TMEM132D: variants seen among roughly 807,000 people sequenced by gnomAD.
TMEM132D encodes transmembrane protein 132D, also known as mature OL transmembrane protein.
A neutral mutation model predicts 62.3 loss-of-function variants in TMEM132D; 21 were observed. That is an observed-to-expected ratio of 0.34 (90% confidence interval 0.24 to 0.49). The LOEUF is 0.49. Among genes scored for constraint, TMEM132D ranks in the 20% least tolerant of loss-of-function variants. TMEM132D has a pLI of 0.99. For synonymous variants in TMEM132D, 621 were observed against 575.6 expected (o/e 1.08, Z -1.13); for missense variants, 1,346 against 1,402.8 (o/e 0.96, Z 0.65).
At chr12:129,881,849 G>C (rs1874606570) in intron 1 of TMEM132D, among the ~76,000 whole-genome samples, 1 of 151,870 alleles carries the variant, frequency 6.6e-6, no homozygotes, top group Non-Finnish European at 1.5e-5. Context: ...CTGCCTCTTT[G>C]AGTTAACAGA....
chr12:129,153,386 G>A (rs548780551), intron 5 of TMEM132D, among the ~76,000 whole-genome samples: 94 of 152,014 alleles, frequency 6.2e-4, no homozygotes, highest in African/African-American at 1.9e-3. Flanking sequence ...GAGAGATTGC[G>A]GGCCTAAATA....
At chr12:129,273,704 G>A (rs1880923197) in intron 4 of TMEM132D, among the ~76,000 whole-genome samples, 1 of 151,730 alleles carries the variant, frequency 6.6e-6, no homozygotes, top group Non-Finnish European at 1.5e-5. Flanking sequence ...TTTATAAGCG[G>A]GAGCTAATCG....
At chr12:129,625,722 G>A (rs1879195652) in intron 2 of TMEM132D, among the ~76,000 whole-genome samples, 1 of 152,152 alleles carries the variant, frequency 6.6e-6, no homozygotes, top group Non-Finnish European at 1.5e-5. Context: ...CACAGCACTT[G>A]CATTATTTAA....
At chr12:129,266,975 C>T (rs1477124251) in intron 4 of TMEM132D, among the ~76,000 whole-genome samples, 1 of 152,142 alleles carries the variant, frequency 6.6e-6, no homozygotes, top group Non-Finnish European at 1.5e-5. Flanking sequence ...ATGGTTACCA[C>T]TCCCTGGCAA....
At position 129,148,501 on chromosome 12, in the gene TMEM132D, G is replaced by T. The variant is rs561398957; in HGVS notation, c.1443+61019C>A. Among the ~76,000 whole-genome samples, 20 of 152,222 alleles carry T rather than the reference G, an allele frequency of 1.3e-4. No homozygotes were observed. In the South Asian group the frequency reaches 4.0e-3, roughly 30 times the overall value. On this transcript the variant is annotated intron_variant, in intron 5 of 8. Transcript: ENST00000422113. ...TGGGAGGTGCCATGAGCCAAAGTAA[G>T]TGAAGAGCCTCTGGAAGCTGGGAAA...
At chr12:129,331,267 C>T (rs1429731684) in intron 4 of TMEM132D, among the ~76,000 whole-genome samples, 3 of 152,192 alleles carry the variant, frequency 2.0e-5, no homozygotes, top group Non-Finnish European at 4.4e-5. Flanking sequence ...AAGAGCTCTG[C>T]GGTCTTCCCC....
chr12:129,654,700 A>G (rs1393628806), intron 2 of TMEM132D, among the ~76,000 whole-genome samples: 2 of 152,054 alleles, frequency 1.3e-5, no homozygotes, highest in East Asian at 3.9e-4. Context: ...AAAGTACACA[A>G]CCTCCCAAGG....
At chr12:129,810,166 A>G (rs536257783) in intron 1 of TMEM132D, among the ~76,000 whole-genome samples, 6 of 152,322 alleles carry the variant, frequency 3.9e-5, no homozygotes, top group African/African-American at 1.4e-4. Flanking sequence ...CAAAAGCAGA[A>G]TATCTCTAAC....
chr12:129,144,448 T>C (rs1305939754), intron 5 of TMEM132D, among the ~76,000 whole-genome samples: 1 of 152,190 alleles, frequency 6.6e-6, no homozygotes, highest in Non-Finnish European at 1.5e-5. Context: ...AGGTGCCATG[T>C]GTTGAAGCCC....
chr12:129,747,841 GACACACACAGACAC>G (rs1466215682), intron 1 of TMEM132D, among the ~76,000 whole-genome samples: 2 of 73,704 alleles, frequency 2.7e-5, no homozygotes, highest in Non-Finnish European at 6.0e-5. Flanking sequence ...CACACATTCA[GACACACACAGACAC>G]ACACACACAC....
At chr12:129,355,859 G>A (rs369835383) in intron 3 of TMEM132D, among the ~76,000 whole-genome samples, 1 of 152,172 alleles carries the variant, frequency 6.6e-6, no homozygotes, top group African/African-American at 2.4e-5. Flanking sequence ...CCTGGCCCTT[G>A]GAGGGGCCCT....
intron 5 of TMEM132D, among the ~76,000 whole-genome samples, chr12:129,202,523 G>C (rs1307228448): frequency 6.6e-6 from 1 of 152,144 alleles, no homozygotes; most frequent in Non-Finnish European, 1.5e-5. Flanking sequence ...GGTTTCATGA[G>C]TCATTCTCAG....
chr12:129,533,375 G>C (rs11060407), intron 2 of TMEM132D, among the ~76,000 whole-genome samples: 10 of 152,118 alleles, frequency 6.6e-5, no homozygotes, highest in Admixed American at 2.0e-4. Context: ...ATGTGGTAGC[G>C]AACAAAAGTA....
intron 3 of TMEM132D, among the ~76,000 whole-genome samples, chr12:129,465,989 T>G (rs1224788984): frequency 1.3e-5 from 2 of 152,168 alleles, no homozygotes; most frequent in African/African-American, 4.8e-5. Context: ...GGCCCTCATT[T>G]CCTCATTTTA....
chr12:129,480,619 C>CT (rs1333173255), intron 3 of TMEM132D, among the ~76,000 whole-genome samples: 1 of 152,158 alleles, frequency 6.6e-6, no homozygotes, highest in African/African-American at 2.4e-5. Flanking sequence ...TGAGTCATAC[C>CT]TTCTTTGAAA....
chr12:129,456,855 A>G (rs1566074892), intron 3 of TMEM132D, among the ~76,000 whole-genome samples: 3 of 152,218 alleles, frequency 2.0e-5, no homozygotes, highest in Admixed American at 1.3e-4. Context: ...GGTAAAAGAA[A>G]AGAGAGTAGG....
At chr12:129,667,082 A>G (rs1425274609) in intron 2 of TMEM132D, among the ~76,000 whole-genome samples, 2 of 152,218 alleles carry the variant, frequency 1.3e-5, no homozygotes, top group Non-Finnish European at 2.9e-5. Flanking sequence ...AGGTTAAAAC[A>G]TTAAAATCAT....
At chr12:129,296,556 C>G (rs4760026) in intron 4 of TMEM132D, among the ~76,000 whole-genome samples, 82,718 of 151,768 alleles carry the variant, frequency 0.55, 23,400 homozygotes, top group East Asian at 0.99. Context: ...TTTCTTTCCT[C>G]AAGTGACAGA....
intron 3 of TMEM132D, among the ~76,000 whole-genome samples, chr12:129,441,924 C>A (rs556911489): frequency 1.3e-5 from 2 of 152,098 alleles, no homozygotes; most frequent in Non-Finnish European, 2.9e-5. Context: ...CTTATGAGAG[C>A]GGTGCACTGG....
Sources: allele counts gnomAD v4.1 joint callset (sites outside exome capture counted in the v4.1 genomes callset), GRCh38; gene constraint gnomAD v4.1.1; transcripts MANE v1.5; gene names NCBI Gene and HGNC (gene_info 2026-07-23, HGNC 2026-07-21).